The following SMC2 variants were observed in gnomAD, a reference collection of about 807,000 sequenced individuals.
SMC2 encodes structural maintenance of chromosomes 2.
Under a neutral mutation model 142.6 loss-of-function variants are expected in SMC2, and 41 were observed. The ratio of observed to expected loss-of-function variants is 0.29; its 90% CI spans 0.22 to 0.37. The LOEUF (loss-of-function observed/expected upper bound fraction) is 0.37, where lower values mean the gene tolerates loss of function less well. Among genes scored for constraint, SMC2 ranks in the 10% least tolerant of loss-of-function variants. The probability of loss-of-function intolerance (pLI) is 1.00; values close to 1 mark genes in which losing one functional copy is unlikely to be tolerated. For missense variants in SMC2, 1,265 were observed against 1,373.7 expected (o/e 0.92, Z 1.25); for synonymous variants, 463 against 457.5 (o/e 1.01, Z -0.15).
intron 16 of SMC2, 94 bp from the exon 17 acceptor site, chr9:104,123,014 T>G: frequency 7.8e-7 from 1 of 1,287,476 alleles, no homozygotes; most frequent in Non-Finnish European, 1.1e-6. Context: ...ATAACGTATG[T>G]GAGTTTATTT....
At chr9:104,099,708 A>G in intron 5 of SMC2, 26 bp downstream of exon 5, 6 of 1,362,804 alleles carry the variant, frequency 4.4e-6, no homozygotes, top group Non-Finnish European at 6.3e-6. Context: ...ATGGACATTA[A>G]AAATAGTTGG....
intron 9 of SMC2, among the ~76,000 whole-genome samples, chr9:104,109,643 G>A (rs539224759): frequency 6.6e-6 from 1 of 152,252 alleles, no homozygotes; most frequent in East Asian, 1.9e-4. Flanking sequence ...TGCATGGATT[G>A]ACTTATTAGC....
chr9:104,132,626 G>T (rs1416987089), intron 22 of SMC2, among the ~76,000 whole-genome samples: 4 of 151,958 alleles, frequency 2.6e-5, no homozygotes, highest in Non-Finnish European at 4.4e-5. Context: ...GGTTTTAATG[G>T]GGCACCTTGC....
intron 12 of SMC2, among the ~76,000 whole-genome samples, chr9:104,114,448 G>A (rs1832849836): frequency 6.6e-6 from 1 of 151,996 alleles, no homozygotes; most frequent in South Asian, 2.1e-4. Flanking sequence ...ATGTATTATA[G>A]GGATTAGAAC....
At chr9:104,113,534 G>A (rs1832728273) in intron 11 of SMC2, 59 bp downstream of exon 11, 7 of 1,383,880 alleles carry the variant, frequency 5.1e-6, no homozygotes, top group Non-Finnish European at 6.8e-6. Context: ...TTGATAAAAA[G>A]CTAATTTAAA....
intron 9 of SMC2, among the ~76,000 whole-genome samples, chr9:104,106,465 T>C (rs1002072805): frequency 6.6e-6 from 1 of 152,092 alleles, no homozygotes; most frequent in African/African-American, 2.4e-5. Context: ...TTCGGCTCAC[T>C]ACAACTTGCA....
At chr9:104,096,056 G>A in intron 2 of SMC2, 92 bp from the exon 3 acceptor site, 1 of 1,161,612 alleles carries the variant, frequency 8.6e-7, no homozygotes, top group Non-Finnish European at 1.2e-6. Context: ...CACTACGTTG[G>A]TGGGTTTTCC....
chr9:104,125,528 G>A (rs1225711881), intron 18 of SMC2, among the ~76,000 whole-genome samples: 2 of 151,908 alleles, frequency 1.3e-5, no homozygotes, highest in African/African-American at 4.9e-5. Context: ...GTGAGTAGGG[G>A]ATGCTAATTT....
At chr9:104,107,110 A>C (rs900286878) in intron 9 of SMC2, among the ~76,000 whole-genome samples, 1 of 152,176 alleles carries the variant, frequency 6.6e-6, no homozygotes, top group Non-Finnish European at 1.5e-5. Context: ...TGGGGTTCCA[A>C]CTGGGCTTGA....
intron 5 of SMC2, 120 bp downstream of exon 5, chr9:104,099,802 A>G: frequency 1.5e-6 from 1 of 669,504 alleles, no homozygotes; most frequent in Non-Finnish European, 2.6e-6. Context: ...TGATTAGTAA[A>G]GACAGTTGTA....
At chr9:104,112,925 C>G (rs1390757717) in intron 10 of SMC2, among the ~76,000 whole-genome samples, 1 of 152,100 alleles carries the variant, frequency 6.6e-6, no homozygotes, top group East Asian at 1.9e-4. Context: ...AGATAGCACT[C>G]ACAAATATAT....
intron 17 of SMC2, 25 bp from the exon 18 acceptor site, chr9:104,124,887 C>G (rs201685052): frequency 1.3e-6 from 2 of 1,547,056 alleles, no homozygotes; most frequent in Admixed American, 2.3e-5. Context: ...TTAACTTAGC[C>G]ACATTTGCTT....
At chr9:104,088,608 G>A in the SMC2 span, among the ~76,000 whole-genome samples, 1 of 151,274 alleles carries the variant, frequency 6.6e-6, no homozygotes, top group South Asian at 2.1e-4. Flanking sequence ...CAGGAATGAC[G>A]AAAAGATGGT....
chr9:104,129,091 G>A (rs1010918394), intron 20 of SMC2, among the ~76,000 whole-genome samples: 1 of 152,082 alleles, frequency 6.6e-6, no homozygotes, highest in African/African-American at 2.4e-5. Flanking sequence ...TCTGTGAGTT[G>A]GCTCTTCTAA....
chr9:104,125,525 G>C (rs1325119479), intron 18 of SMC2, among the ~76,000 whole-genome samples: 3 of 152,042 alleles, frequency 2.0e-5, no homozygotes, highest in African/African-American at 7.3e-5. Flanking sequence ...GTTGTGAGTA[G>C]GGGATGCTAA....
intron 5 of SMC2, 48 bp downstream of exon 5, chr9:104,099,730 C>A (rs1232930926): frequency 8.9e-7 from 1 of 1,129,612 alleles, no homozygotes; most frequent in Non-Finnish European, 1.3e-6. Flanking sequence ...ATAGATATTA[C>A]TTTAATCTTT....
upstream of SMC2, chr9:104,092,255 A>C (rs959099879): frequency 1.3e-5 from 2 of 152,204 alleles, no homozygotes; most frequent in African/African-American, 4.8e-5. Flanking sequence ...AATGGTCTTA[A>C]TGGGAGTAGT....
At position 104,114,748 on chromosome 9, in the gene SMC2, T is replaced by A. The variant is rs771273932; in HGVS notation, c.1590T>A (p.Ile530=). ...NCVKGLVASL[I]SVKDTSATTA... ...TGAAAGGACTTGTGGCTTCTCTGAT[T>A]AGTGTGAAAGACACTTCTGCAACCA... Residue 530 remains isoleucine (I), a synonymous_variant, in exon 13 of 25, where the codon ATT becomes ATA. Coordinates refer to ENST00000374793, the MANE Select transcript of SMC2 (RefSeq NM_006444.3). The A allele has an allele frequency of 6.2e-7, 1 of 1,613,120 alleles. No individual in the cohort carries two copies. The highest frequency in any genetic ancestry group is 2.2e-5 in the East Asian group (1 of 44,798).
At chr9:104,112,943 C>G (rs562339838) in intron 10 of SMC2, among the ~76,000 whole-genome samples, 3 of 152,170 alleles carry the variant, frequency 2.0e-5, no homozygotes, top group African/African-American at 7.2e-5. Context: ...TATACACATA[C>G]AAATATGAAC....
Sources: gnomAD v4.1 joint callset for allele counts (sites outside exome capture counted in the v4.1 genomes callset) on GRCh38, gnomAD v4.1.1 for gene constraint, MANE v1.5 for transcripts, NCBI Gene and HGNC (gene_info 2026-07-23, HGNC 2026-07-21) for gene names.